The following SETD1B variants were observed in gnomAD, a reference collection of about 807,000 sequenced individuals.
SETD1B encodes histone-lysine N-methyltransferase SETD1B.
Under a neutral mutation model 148.0 loss-of-function variants are expected in SETD1B, and 7 were observed. The observed-to-expected ratio is 0.05, with a 90% CI of 0.03 to 0.09. SETD1B has a LOEUF of 0.09. Among genes scored for constraint, SETD1B ranks in the 10% least tolerant of loss-of-function variants. The probability of loss-of-function intolerance (pLI) is 1.00; values close to 1 mark genes in which losing one functional copy is unlikely to be tolerated. For synonymous variants in SETD1B, 1,361 were observed against 1,186.5 expected, an observed-to-expected ratio of 1.15 and a Z score of -3.02; for missense variants, 2,155 against 2,729.9, an observed-to-expected ratio of 0.79 and a Z score of 4.69.
At chr12:121,807,373 A>G (rs1255792429) in intron 4 of SETD1B, among the ~76,000 whole-genome samples, 3 of 150,796 alleles carry the variant, frequency 2.0e-5, no homozygotes, top group Non-Finnish European at 2.9e-5. Context: ...TGAATTGAAC[A>G]TGGTAACCCC....
chr12:121,819,848 C>T lies in SETD1B; in HGVS notation c.3863C>T (p.Ala1288Val). Residue 1288 changes from alanine to valine, a missense_variant, in exon 11 of 17, where the codon GCC becomes GTC. By Grantham distance (64) the Ala-to-Val change is moderately conservative (BLOSUM62 0). Coordinates refer to ENST00000604567, the MANE Select transcript of SETD1B (RefSeq NM_001353345.2). ...ATGTTGCTGTCTCCAGAGCCCCCTG[C>T]CAAGGAGGTGGAGGCTCGACCCCCA... ...GAMLLSPEPP[A>V]KEVEARPPLS... 6.4e-7 allele frequency: 1 copy of T among 1,551,384 alleles called. No homozygotes were observed.
chr12:121,826,989 G>A (rs542213176), intron 13 of SETD1B, among the ~76,000 whole-genome samples: 41 of 152,018 alleles, frequency 2.7e-4, no homozygotes, highest in Non-Finnish European at 5.0e-4. Flanking sequence ...TGGGTATGGC[G>A]GAGCTTAGGA....
chr12:121,795,017 C>G, the SETD1B span, among the ~76,000 whole-genome samples: 1 of 152,226 alleles, frequency 6.6e-6, no homozygotes, highest in African/African-American at 2.4e-5. Context: ...GTCATGTAAA[C>G]CTCACTTCGT....
Position 121,805,498 on chromosome 12 carries a change from G to A in SETD1B, c.273+282G>A, listed in dbSNP as rs1875692054. ...TCTCCCCTCTCGCTAGCCCACTACAGGACAACTTCTTAAGCCTGAGGGGTC... is the reference window on the plus strand; with the variant it reads ...TCTCCCCTCTCGCTAGCCCACTACAAGACAACTTCTTAAGCCTGAGGGGTC... On this transcript the variant is annotated intron_variant, in intron 3 of 16. Transcript: ENST00000604567. This position sits in a 1 kb window ranked among gnomAD's most constrained non-coding sequence, Gnocchi z 4.2. Among the ~76,000 whole-genome samples the A allele has an allele frequency of 6.6e-6, 1 of 152,166 alleles. No homozygotes were observed. Among genetic ancestry groups the A allele is most frequent in the African/African-American group, 2.4e-5 (1 of 41,436 alleles).
chr12:121,827,895 G>A (rs767203724), intron 15 of SETD1B, 38 bp from the exon 16 acceptor site: 8 of 1,552,504 alleles, frequency 5.2e-6, no homozygotes, highest in Non-Finnish European at 7.0e-6. Context: ...GGTGGGCATG[G>A]GGCCGGCCCA....
chr12:121,810,936 C>G lies in SETD1B; in HGVS notation c.1890+101C>G. 1 of 1,375,842 alleles carries G rather than the reference C, an allele frequency of 7.3e-7. No homozygotes were observed. Among genetic ancestry groups the G allele is most frequent in the Non-Finnish European group, 9.6e-7 (1 of 1,036,636 alleles). The allele number at this position is 1,375,842 out of a possible 1,614,324, so 85.2% of individuals were successfully genotyped here. A position where few individuals can be genotyped will look rare whatever the true frequency, so the allele number is the denominator to read the frequency against. ...AGCATGACTAGCTAAGATGCGGAAG[C>G]AATGGGGCTAGGAAAGCCAATATAA... On this transcript the variant is annotated intron_variant, in intron 6 of 16. Transcript: ENST00000604567. This position sits in a 1 kb window ranked among gnomAD's most constrained non-coding sequence, Gnocchi z 7.6.
At position 121,825,267 on chromosome 12, in the gene SETD1B, T is replaced by C. The variant is rs879775925; in HGVS notation, c.5238T>C (p.Cys1746=). The C allele has an allele frequency of 1.9e-6, 3 of 1,551,860 alleles. No individual in the cohort carries two copies. Among genetic ancestry groups the C allele is most frequent in the Non-Finnish European group, 2.6e-6 (3 of 1,147,072 alleles). The change falls in exon 13 of 17, where the codon TGT becomes TGC. Residue 1746 remains cysteine, a synonymous_variant. Coordinates refer to ENST00000604567, the MANE Select transcript of SETD1B (RefSeq NM_001353345.2). ...DDGIREHVTG[C]ARSEGFYTID... ...GCATCCGCGAGCACGTGACGGGCTGTGCCCGCAGTGAGGGCTTCTACACCA... is the reference window on the plus strand; with the variant it reads ...GCATCCGCGAGCACGTGACGGGCTGCGCCCGCAGTGAGGGCTTCTACACCA...
chr12:121,823,903 C>T (rs1167937673), intron 12 of SETD1B, among the ~76,000 whole-genome samples, 154 bp downstream of exon 12: 8 of 152,274 alleles, frequency 5.3e-5, no homozygotes, highest in Middle Eastern at 3.4e-3. Flanking sequence ...GTTTGTGTCC[C>T]GGCACCATGC....
intron 11 of SETD1B, among the ~76,000 whole-genome samples, chr12:121,820,610 C>T (rs1158684182): frequency 3.9e-5 from 6 of 152,056 alleles, no homozygotes; most frequent in African/African-American, 1.2e-4. Context: ...CTCGGCTCAC[C>T]GCAAGCTCCG....
chr12:121,793,426 A>G, the SETD1B span: 13 of 1,520,382 alleles, frequency 8.6e-6, no homozygotes, highest in Non-Finnish European at 1.1e-5. Context: ...CTGGGGACTG[A>G]GGGTCGGGGC....
chr12:121,825,479 G>C, intron 13 of SETD1B, 113 bp downstream of exon 13: 1 of 978,458 alleles, frequency 1.0e-6, no homozygotes, highest in Non-Finnish European at 1.5e-6. Flanking sequence ...CAGAGGGGCT[G>C]GCACACAGAG....
chr12:121,797,312 TG>T, the SETD1B span: 1 of 390,786 alleles, frequency 2.6e-6, no homozygotes, highest in Non-Finnish European at 5.1e-6. Context: ...GCCCTTCCGC[TG>T]GCGTGGCCCT....
chr12:121,821,313 T>TGTAA (rs970961529), intron 11 of SETD1B, among the ~76,000 whole-genome samples: 33 of 152,002 alleles, frequency 2.2e-4, no homozygotes, highest in Admixed American at 5.9e-4. Context: ...GGCAGGCTCC[T>TGTAA]GTAATCCCAG....
chr12:121,816,560 G>A (rs1876302353), intron 7 of SETD1B, among the ~76,000 whole-genome samples: 1 of 152,204 alleles, frequency 6.6e-6, no homozygotes, highest in Admixed American at 6.5e-5. Context: ...AGCTCTTCAT[G>A]TGGCTCGTTT....
rs572873254 is a variant in SETD1B, at chr12:121,814,668, G to A, written c.2453G>A (p.Arg818Gln). 3.0e-5 allele frequency: 46 copies of A among 1,549,216 alleles called. No homozygotes were observed. The South Asian group carries it at 3.2e-4, about 11-fold the overall frequency. The change falls in exon 7 of 17, where the codon CGG (arginine) becomes CAG (glutamine). Residue 818 changes from arginine to glutamine, a missense_variant. This residue lies in a region of SETD1B where 289 missense variants were observed against 423.7 expected (regional missense o/e 0.68). Transcript: ENST00000604567. ...CAGTTTGTCAACCTGCCGCCCTACC[G>A]GGGCCCCTTCTCCCTGAGCAACTCC... ...GLQFVNLPPYRGPFSLSNSGP... is the reference protein window; with the variant it reads ...GLQFVNLPPYQGPFSLSNSGP...
chr12:121,811,765 C>T (rs1033757292), intron 6 of SETD1B, among the ~76,000 whole-genome samples: 5 of 152,068 alleles, frequency 3.3e-5, no homozygotes, highest in African/African-American at 1.2e-4. Context: ...TTAGGCGGGT[C>T]TGGCTGCATC....
chr12:121,821,466 T>C (rs1217829597), intron 11 of SETD1B, among the ~76,000 whole-genome samples: 1 of 142,754 alleles, frequency 7.0e-6, no homozygotes, highest in East Asian at 2.0e-4. Context: ...GAAAAAGAAA[T>C]GTGCCGGGCG....
chr12:121,808,950 A>G lies in SETD1B; in HGVS notation c.657+630A>G, dbSNP rs1365493134. Among the ~76,000 whole-genome samples, 1 of 152,102 alleles carries G rather than the reference A, an allele frequency of 6.6e-6. No homozygotes were observed. The highest frequency in any genetic ancestry group is 1.5e-5 in the Non-Finnish European group (1 of 68,020). On this transcript the variant is annotated intron_variant, in intron 5 of 16. Coordinates refer to ENST00000604567, the MANE Select transcript of SETD1B (RefSeq NM_001353345.2). This position sits in a 1 kb window ranked among gnomAD's most constrained non-coding sequence, Gnocchi z 5.3. The stretch of plus-strand genomic sequence containing the variant: ...AGTGGTGCGATCTCAGCTCACTGCA[A>G]GCTCCACCTCCTGGGCTCAAGTGAT...
chr12:121,793,051 G>A, the SETD1B span: 14 of 1,051,288 alleles, frequency 1.3e-5, no homozygotes, highest in Non-Finnish European at 1.7e-5. Flanking sequence ...CCAAGGCCCT[G>A]CCAAGGCTGC....
Sources: gnomAD v4.1 joint callset for allele counts (sites outside exome capture counted in the v4.1 genomes callset) on GRCh38, gnomAD v4.1.1 for gene constraint, gnomAD v4.1.1 regional missense constraint, Gnocchi (gnomAD v3.1) non-coding constraint, MANE v1.5 for transcripts, NCBI Gene and HGNC (gene_info 2026-07-23, HGNC 2026-07-21) for gene names.